The following ELMO1 variants were observed in gnomAD, a reference collection of about 807,000 sequenced individuals.
ELMO1 encodes the protein engulfment and cell motility protein 1.
A neutral mutation model predicts 98.9 loss-of-function variants in ELMO1; 26 were observed. The observed-to-expected ratio is 0.26, with a 90% CI of 0.19 to 0.36. The LOEUF (loss-of-function observed/expected upper bound fraction) is 0.36. ELMO1 is among the 10% of genes least tolerant of loss of function. The pLI, the probability that ELMO1 is intolerant of heterozygous loss-of-function variation, is 1.00. For synonymous variants in ELMO1, 346 were observed against 346.0 expected, an observed-to-expected ratio of 1.00 and a Z score of 0.00; for missense variants, 627 against 935.2, an observed-to-expected ratio of 0.67 and a Z score of 4.30.
chr7:37,382,481 G>C (rs1802619334), intron 1 of ELMO1, among the ~76,000 whole-genome samples: 1 of 152,226 alleles, frequency 6.6e-6, no homozygotes, highest in Non-Finnish European at 1.5e-5. Flanking sequence ...TTTAAAAGCA[G>C]AAACAGGACA....
intron 15 of ELMO1, among the ~76,000 whole-genome samples, chr7:37,025,049 A>C (rs970087481): frequency 6.6e-6 from 1 of 152,240 alleles, no homozygotes; most frequent in African/African-American, 2.4e-5. Context: ...TGGTCTTGCC[A>C]ATAGGCTCTG....
chr7:37,437,442 T>C (rs1353278659), intron 1 of ELMO1, among the ~76,000 whole-genome samples: 1 of 152,224 alleles, frequency 6.6e-6, no homozygotes, highest in Non-Finnish European at 1.5e-5. Context: ...TCACAGTCAA[T>C]CATAACTCAT....
chr7:37,032,246 C>T (rs1359891074), intron 15 of ELMO1, among the ~76,000 whole-genome samples: 2 of 152,104 alleles, frequency 1.3e-5, no homozygotes, highest in Admixed American at 6.6e-5. Context: ...TTTATTGGCA[C>T]CTTTGAAAAA....
At chr7:37,374,436 G>A (rs981381648) in intron 1 of ELMO1, among the ~76,000 whole-genome samples, 2 of 152,306 alleles carry the variant, frequency 1.3e-5, no homozygotes, top group East Asian at 3.9e-4. Flanking sequence ...AGATAAAAAA[G>A]AACATTAGTT....
chr7:37,403,826 A>C (rs1803634078), intron 1 of ELMO1, among the ~76,000 whole-genome samples: 1 of 152,182 alleles, frequency 6.6e-6, no homozygotes, highest in South Asian at 2.1e-4. Context: ...GATTACGGGC[A>C]TGAGCCACCA....
chr7:37,318,102 T>C (rs1038438286), intron 2 of ELMO1, among the ~76,000 whole-genome samples: 8 of 152,246 alleles, frequency 5.3e-5, no homozygotes, highest in Non-Finnish European at 1.2e-4. Context: ...AATTGGGTTC[T>C]ACTGTAGTTA....
intron 15 of ELMO1, among the ~76,000 whole-genome samples, chr7:37,023,472 C>T (rs1584529114): frequency 6.6e-6 from 1 of 152,114 alleles, no homozygotes; most frequent in Middle Eastern, 3.2e-3. Flanking sequence ...GGTAAAAAAA[C>T]TACATAACTG....
intron 16 of ELMO1, among the ~76,000 whole-genome samples, chr7:36,901,647 C>T (rs1020603754): frequency 5.9e-5 from 9 of 152,142 alleles, no homozygotes; most frequent in Admixed American, 5.9e-4. Context: ...CTGTCACTTA[C>T]AAGCTGGGAA....
chr7:36,854,538 CAA>C lies in ELMO1; in HGVS notation c.*1011_*1012del, dbSNP rs70977201. On this transcript the variant is annotated 3_prime_UTR_variant, in exon 22 of 22. Transcript: ENST00000310758. ...TAGACTCTTTTGTACAAAAACAAAG[CAA>C]AAAAAAAAAAAAAAACTAACCCAAA... The C allele has an allele frequency of 0.2, 27,169 of 132,964 alleles. 2,768 individuals are homozygous for C. The highest frequency in any genetic ancestry group is 0.41 in the South Asian group (1,748 of 4,240). 8.2% of individuals were successfully genotyped at this position (132,964 alleles called of 1,614,324 possible).
chr7:37,122,082 T>C (rs1786093750), intron 14 of ELMO1, among the ~76,000 whole-genome samples: 1 of 152,036 alleles, frequency 6.6e-6, no homozygotes, highest in South Asian at 2.1e-4. Context: ...GACAAACAAA[T>C]GCTGAGAGAT....
intron 16 of ELMO1, among the ~76,000 whole-genome samples, chr7:36,895,443 G>A (rs1356540839): frequency 1.3e-5 from 2 of 152,138 alleles, no homozygotes; most frequent in Non-Finnish European, 2.9e-5. Context: ...TGGAAGTTTG[G>A]CTGGAGCTGG....
rs777375717 is a variant in ELMO1, at chr7:37,213,443, G to A, written c.846C>T (p.Ala282=). The A allele has an allele frequency of 9.3e-6, 15 of 1,611,708 alleles. No homozygotes were observed. The highest frequency in any genetic ancestry group is 1.3e-5 in the Non-Finnish European group (15 of 1,179,530). Residue 282 remains alanine (A), a synonymous_variant, in exon 12 of 22, where the codon GCC becomes GCT. Coordinates refer to ENST00000310758, the MANE Select transcript of ELMO1 (RefSeq NM_014800.11). ...CCATCTCATTGTTGATGGCCCGCTG[G>A]GCTCGGATGACATGCTAGGGAGATG... ...RSIILTHVIR[A]QRAINNEMAH...
intron 20 of ELMO1, chr7:36,861,975 G>A (rs994224082): frequency 1.3e-5 from 7 of 527,554 alleles, no homozygotes; most frequent in Admixed American, 6.1e-5. Context: ...TGTAGCAAGT[G>A]TTTTCATCTC....
intron 4 of ELMO1, among the ~76,000 whole-genome samples, chr7:37,273,372 T>C (rs1450665671): frequency 6.6e-6 from 1 of 152,204 alleles, no homozygotes; most frequent in East Asian, 1.9e-4. Flanking sequence ...CTGATGGTTT[T>C]ATAAGGGGCT....
rs139193413 is a variant in ELMO1, at chr7:37,181,344, C to G, written c.1086+30042G>C. ...AAGTCACCGAGAAGGAGGATGCCCG[C>G]CTCATCCCTGCAGGGTGGGGTTACA... is the stretch of plus-strand genomic sequence containing the variant. On this transcript the variant is annotated intron_variant, in intron 13 of 21. Coordinates refer to ENST00000310758, the MANE Select transcript of ELMO1 (RefSeq NM_014800.11). 3.3e-3 allele frequency among the ~76,000 whole-genome samples: 497 copies of G among 152,136 alleles called. 6 individuals carry two copies. The highest frequency in any genetic ancestry group is 0.011 in the African/African-American group (469 of 41,482).
chr7:37,351,241 T>G (rs953402974), intron 1 of ELMO1: 1 of 152,204 alleles, frequency 6.6e-6, no homozygotes, highest in Non-Finnish European at 1.5e-5. Context: ...TTTAAAAAAT[T>G]TAAACACGAA....
chr7:37,023,051 A>C (rs758903704), intron 15 of ELMO1, among the ~76,000 whole-genome samples: 2 of 152,218 alleles, frequency 1.3e-5, no homozygotes, highest in Non-Finnish European at 2.9e-5. Context: ...AGCTCAAAAC[A>C]GGCAAAATTC....
intron 9 of ELMO1, among the ~76,000 whole-genome samples, chr7:37,223,125 G>C (rs1440904806): frequency 6.6e-6 from 1 of 152,098 alleles, no homozygotes; most frequent in Non-Finnish European, 1.5e-5. Flanking sequence ...TGGGCTAATT[G>C]GATGGCTCTA....
intron 16 of ELMO1, among the ~76,000 whole-genome samples, chr7:36,970,511 T>A (rs138730109): frequency 6.5e-4 from 99 of 152,328 alleles, no homozygotes; most frequent in African/African-American, 2.4e-3. Flanking sequence ...TAATGTTGCT[T>A]ACAATCTTAT....
Sources: allele counts gnomAD v4.1 joint callset (sites outside exome capture counted in the v4.1 genomes callset), GRCh38; gene constraint gnomAD v4.1.1; transcripts MANE v1.5; gene names NCBI Gene and HGNC (gene_info 2026-07-23, HGNC 2026-07-21).